The following POU2F2 variants were observed in gnomAD, a reference collection of about 807,000 sequenced individuals.
The protein encoded by POU2F2 is POU class 2 homeobox 2.
A neutral mutation model predicts 63.5 loss-of-function variants in POU2F2; 14 were observed. That is an observed-to-expected ratio of 0.22 (90% confidence interval 0.15 to 0.34). POU2F2 has a LOEUF of 0.34. Ranked by LOEUF, POU2F2 falls within the 10% of genes least tolerant of loss-of-function variation. The probability of loss-of-function intolerance (pLI) is 1.00; values close to 1 mark genes in which losing one functional copy is unlikely to be tolerated. For synonymous variants in POU2F2, 306 were observed against 348.6 expected (o/e 0.88, Z 1.36); for missense variants, 607 against 815.2 (o/e 0.74, Z 3.11).
Position 42,095,634 on chromosome 19 carries a change from C to T in POU2F2, c.931G>A (p.Gly311Ser), listed in dbSNP as rs368762837. The T allele has an allele frequency of 1.2e-6, 2 of 1,613,052 alleles. No homozygotes were observed. Among genetic ancestry groups the T allele is most frequent in the African/African-American group, 2.7e-5 (2 of 74,852 alleles). ...SPNQLSSPSLGFDGLPGRRRK... is the reference protein window; with the variant it reads ...SPNQLSSPSLSFDGLPGRRRK... The stretch of plus-strand genomic sequence containing the variant: ...CTCCGGCCGGGCAGGCCGTCGAAAC[C>T]CAGGCTGGGGCTGCTCAGCTGGTTG... Residue 311 changes from glycine to serine, a missense_variant, in exon 10 of 15, where the codon GGT becomes AGT. Around this residue, in one of 7 missense-constraint regions of POU2F2, gnomAD observed 39 missense variants for 36.3 expected, o/e 1.07. Transcript: ENST00000692977. This position sits in a 1 kb window ranked among gnomAD's most constrained non-coding sequence, Gnocchi z 7.1.
At chr19:42,108,486 G>A (rs1354556607) in intron 5 of POU2F2, among the ~76,000 whole-genome samples, 1 of 152,022 alleles carries the variant, frequency 6.6e-6, no homozygotes, top group Non-Finnish European at 1.5e-5. Context: ...GAGGTGGGAG[G>A]ATGGCCTGAC....
chr19:42,108,946 A>C (rs979156722), intron 5 of POU2F2, among the ~76,000 whole-genome samples: 1 of 152,240 alleles, frequency 6.6e-6, no homozygotes, highest in African/African-American at 2.4e-5. Flanking sequence ...TCACCCTCCC[A>C]GTGCAGGAGC....
At chr19:42,154,283 G>C (rs1387498400) in intron 2 of POU2F2, among the ~76,000 whole-genome samples, 2 of 152,032 alleles carry the variant, frequency 1.3e-5, no homozygotes, top group African/African-American at 4.8e-5. Context: ...AAGAGAAAGA[G>C]AACGGCAGAG....
intron 5 of POU2F2, among the ~76,000 whole-genome samples, chr19:42,100,080 T>C (rs895426162): frequency 8.9e-5 from 13 of 145,814 alleles, no homozygotes; most frequent in African/African-American, 3.3e-4. Flanking sequence ...ATTTACCCTT[T>C]CTTTCTTTTT....
At position 42,166,220 on chromosome 19, in the gene POU2F2, C is replaced by A. The variant is rs575783931; in HGVS notation, c.-69-5828G>T. On this transcript the variant is annotated intron_variant, in intron 1 of 6. Transcript: ENST00000524801. Reference sequence around the variant, plus strand: ...CACTTTGGGTATGTGTGTGCACACACTGGAATAGTAAGCTCTGTGCAGATG... The same window carrying A: ...CACTTTGGGTATGTGTGTGCACACAATGGAATAGTAAGCTCTGTGCAGATG... Among the ~76,000 whole-genome samples, 245 of 152,340 alleles carry A rather than the reference C, an allele frequency of 1.6e-3. 1 individual carries two copies. The Middle Eastern group carries it at 0.017, about 11-fold the overall frequency.
chr19:42,188,229 G>GCC (rs1568428519), intron 1 of POU2F2, among the ~76,000 whole-genome samples: 1 of 151,974 alleles, frequency 6.6e-6, no homozygotes, highest in African/African-American at 2.4e-5. Context: ...AGCCAGGCGT[G>GCC]GTGGTGCGTG....
At chr19:42,093,798 TC>T in intron 12 of POU2F2, 30 bp downstream of exon 12, 2 of 1,584,010 alleles carry the variant, frequency 1.3e-6, no homozygotes, top group South Asian at 1.1e-5. Flanking sequence ...ATCCTCCCAG[TC>T]CCCCCTCACC....
At chr19:42,172,709 C>T (rs1205119475) in intron 1 of POU2F2, among the ~76,000 whole-genome samples, 1 of 152,210 alleles carries the variant, frequency 6.6e-6, no homozygotes, top group African/African-American at 2.4e-5. Context: ...ACTGATGGAA[C>T]GAGCTCAACC....
chr19:42,104,835 C>T (rs78580830), intron 5 of POU2F2, among the ~76,000 whole-genome samples: 2,732 of 152,226 alleles, frequency 0.018, 35 homozygotes, highest in South Asian at 0.028. Flanking sequence ...GATCAACATC[C>T]CTGCTTTTCG....
intron 2 of POU2F2, among the ~76,000 whole-genome samples, chr19:42,140,997 G>A (rs1270014693): frequency 6.6e-6 from 1 of 152,122 alleles, no homozygotes; most frequent in Non-Finnish European, 1.5e-5. Flanking sequence ...CATCCCTCAT[G>A]CCTGCTTTGT....
Position 42,152,066 on chromosome 19 carries a change from TCA to T in POU2F2, c.-9+8264_-9+8265del, listed in dbSNP as rs1389743409. ...CATGGCTACAGTGAAGGAGGAGGAT[TCA>T]CACTCTGGTTGGTCACAATCCACCC... On this transcript the variant is annotated intron_variant, in intron 2 of 6. Coordinates refer to the POU2F2 transcript ENST00000524801. This position sits in a 1 kb window ranked among gnomAD's most constrained non-coding sequence, Gnocchi z 4.1. Among the ~76,000 whole-genome samples, 1 of 152,076 alleles carries T rather than the reference TCA, an allele frequency of 6.6e-6. No homozygotes were observed. The highest frequency in any genetic ancestry group is 1.5e-5 in the Non-Finnish European group (1 of 67,994).
upstream of POU2F2, among the ~76,000 whole-genome samples, chr19:42,196,950 T>C (rs1235250975): frequency 6.6e-6 from 1 of 152,040 alleles, no homozygotes; most frequent in African/African-American, 2.4e-5. Context: ...GCCAATGACA[T>C]GGAACGGAAG....
intron 5 of POU2F2, among the ~76,000 whole-genome samples, chr19:42,110,219 G>A (rs1023319028): frequency 1.6e-4 from 24 of 151,850 alleles, no homozygotes; most frequent in African/African-American, 4.6e-4. Flanking sequence ...TTATGATGGC[G>A]CCACTGCACC....
At chr19:42,103,072 C>T (rs2077203093) in intron 5 of POU2F2, among the ~76,000 whole-genome samples, 2 of 151,886 alleles carry the variant, frequency 1.3e-5, no homozygotes, top group Non-Finnish European at 2.9e-5. Context: ...GCCTCAGGGC[C>T]TTTATACATG....
upstream of POU2F2, among the ~76,000 whole-genome samples, chr19:42,134,930 C>T (rs373242790): frequency 3.4e-3 from 516 of 151,978 alleles, 5 homozygotes; most frequent in African/African-American, 0.012. Context: ...GGGGGCCCGG[C>T]GGGGAGTGGT....
chr19:42,169,378 A>G lies in POU2F2; in HGVS notation c.-70+6585T>C, dbSNP rs1432079433. On this transcript the variant is annotated intron_variant, in intron 1 of 6. Transcript: ENST00000524801. The surrounding 1 kb of genome is among the most constrained non-coding windows in gnomAD (Gnocchi z 4.3). The stretch of plus-strand genomic sequence containing the variant: ...GTTTTGGTGTCTGTCTTGCCCTGAG[A>G]GGTCTCAGCACCTATGTGCCTGCAC... Among the ~76,000 whole-genome samples, 1 of 152,190 alleles carries G rather than the reference A, an allele frequency of 6.6e-6. No homozygotes were observed. The highest frequency in any genetic ancestry group is 2.4e-5 in the African/African-American group (1 of 41,440).
chr19:42,122,639 C>T, intron 1 of POU2F2, 63 bp from the exon 2 acceptor site: 3 of 1,385,548 alleles, frequency 2.2e-6, no homozygotes, highest in Non-Finnish European at 2.9e-6. Flanking sequence ...CTCTCGGGCC[C>T]CCATTCCACC....
At chr19:42,130,686 C>A (rs1477860647) in intron 1 of POU2F2, among the ~76,000 whole-genome samples, 1 of 151,700 alleles carries the variant, frequency 6.6e-6, no homozygotes, top group African/African-American at 2.4e-5. Context: ...TGTCACCCTG[C>A]AAATAGTCTT....
chr19:42,164,953 CAA>C (rs34319750), intron 1 of POU2F2, among the ~76,000 whole-genome samples: 32 of 120,172 alleles, frequency 2.7e-4, no homozygotes, highest in Admixed American at 3.4e-4. Flanking sequence ...CAGGCTATCT[CAA>C]AAAAAAAAAA....
Sources: allele counts gnomAD v4.1 joint callset (sites outside exome capture counted in the v4.1 genomes callset), GRCh38; gene constraint gnomAD v4.1.1; regional missense constraint gnomAD v4.1.1; non-coding constraint Gnocchi (gnomAD v3.1); transcripts MANE v1.5; gene names NCBI Gene and HGNC (gene_info 2026-07-23, HGNC 2026-07-21).